Variants in SYNE3 observed in about 807,000 individuals in gnomAD.
SYNE3 encodes nesprin-3.
In SYNE3, 100 loss-of-function variants were observed where a neutral mutation model predicts 111.2. The ratio of observed to expected loss-of-function variants is 0.90; its 90% CI spans 0.77 to 1.06. The LOEUF (loss-of-function observed/expected upper bound fraction) is 1.06, where lower values mean the gene tolerates loss of function less well. Ranked by LOEUF, SYNE3 falls within the 50% of genes least tolerant of loss-of-function variation. The pLI is 0.00. For missense variants in SYNE3, 1,160 were observed against 1,240.3 expected, an observed-to-expected ratio of 0.94 and a Z score of 0.97; for synonymous variants, 547 against 533.9, an observed-to-expected ratio of 1.02 and a Z score of -0.34.
intron 4 of SYNE3, among the ~76,000 whole-genome samples, chr14:95,460,420 C>T (rs1887727532): frequency 7.0e-6 from 1 of 142,738 alleles, no homozygotes; most frequent in Non-Finnish European, 1.5e-5. Flanking sequence ...GGGGTTTCAC[C>T]ATGTTGGCTA....
intron 1 of SYNE3, among the ~76,000 whole-genome samples, chr14:95,498,822 C>G (rs72694805): frequency 0.089 from 13,589 of 151,994 alleles, 671 homozygotes; most frequent in African/African-American, 0.11. Flanking sequence ...ACCTCTCAGT[C>G]CCCCCCAGGC....
intron 1 of SYNE3, among the ~76,000 whole-genome samples, chr14:95,508,802 G>A (rs1392132766): frequency 6.6e-6 from 1 of 152,224 alleles, no homozygotes; most frequent in Non-Finnish European, 1.5e-5. Context: ...GAATCTCCAA[G>A]AGGACAGTCC....
At chr14:95,453,735 TG>T (rs1252504147) in intron 6 of SYNE3, among the ~76,000 whole-genome samples, 1 of 151,964 alleles carries the variant, frequency 6.6e-6, no homozygotes. Flanking sequence ...TGAGCAAGAC[TG>T]GGGGCTGTCC....
chr14:95,492,854 T>C (rs1325560230), intron 1 of SYNE3, among the ~76,000 whole-genome samples: 3 of 152,214 alleles, frequency 2.0e-5, no homozygotes, highest in Admixed American at 2.0e-4. Context: ...TGGCTCTATT[T>C]TTTTTTAAAG....
intron 1 of SYNE3, among the ~76,000 whole-genome samples, chr14:95,484,440 G>C (rs957517755): frequency 6.6e-6 from 1 of 152,184 alleles, no homozygotes; most frequent in Non-Finnish European, 1.5e-5. Flanking sequence ...CCCTGGCCAC[G>C]GAGTAACAGG....
rs149167483 is a variant in SYNE3, at chr14:95,439,963, C to A, written c.2024G>T (p.Arg675Leu). The change falls in exon 12 of 18, where the codon CGG (arginine) becomes CTG (leucine). Residue 675 changes from arginine to leucine, a missense_variant. Coordinates refer to ENST00000682763, the MANE Select transcript of SYNE3 (RefSeq NM_152592.6). ...GGCATCCCCCGGGCCCGCCTCTCCC[C>A]GGTGTGCCTCCAGCTTTTGCGTGGT... ...VVTTQKLEAH[R>L]GEAGPGDAES... 2 of 1,614,074 alleles carry A rather than the reference C, an allele frequency of 1.2e-6. No homozygotes were observed. Among genetic ancestry groups the A allele is most frequent in the Non-Finnish European group, 1.7e-6 (2 of 1,180,022 alleles).
At position 95,439,864 on chromosome 14, in the gene SYNE3, C is replaced by A. The variant is rs762694452; in HGVS notation, c.2073+50G>T. ...CTGCTCCTTGGTGTGGGAACGTTGG[C>A]CTGTCAAGGCTGCTTCTTTGGGAAG... On this transcript the variant is annotated intron_variant, in intron 12 of 17. Transcript: ENST00000682763. 8 of 1,593,338 alleles carry A rather than the reference C, an allele frequency of 5.0e-6. No individual in the cohort carries two copies. The East Asian group carries it at 1.6e-4, about 31-fold the overall frequency.
chr14:95,508,705 G>A (rs1372918522), intron 1 of SYNE3, among the ~76,000 whole-genome samples: 1 of 152,210 alleles, frequency 6.6e-6, no homozygotes, highest in Non-Finnish European at 1.5e-5. Context: ...ATGAGCAGGA[G>A]AGAGAACATC....
intron 13 of SYNE3, 64 bp downstream of exon 13, chr14:95,439,548 A>AGT (rs765877443): frequency 5.8e-5 from 92 of 1,587,032 alleles, no homozygotes; most frequent in Admixed American, 8.3e-5. Context: ...CGAGCACCTG[A>AGT]GTGTCCCTGA....
At chr14:95,497,690 C>T (rs759833682) in intron 1 of SYNE3, among the ~76,000 whole-genome samples, 12 of 152,184 alleles carry the variant, frequency 7.9e-5, no homozygotes, top group Non-Finnish European at 1.6e-4. Context: ...GTCTCCGTCA[C>T]ATCTCCTCAA....
intron 17 of SYNE3, among the ~76,000 whole-genome samples, chr14:95,420,972 T>C (rs1379502044): frequency 6.6e-6 from 1 of 152,182 alleles, no homozygotes; most frequent in South Asian, 2.1e-4. Flanking sequence ...TCCCTCATAC[T>C]GTTCTCATGG....
intron 15 of SYNE3, among the ~76,000 whole-genome samples, chr14:95,436,368 T>C (rs2077222800): frequency 6.6e-6 from 1 of 152,154 alleles, no homozygotes; most frequent in South Asian, 2.1e-4. Flanking sequence ...GTGTAGTCCA[T>C]GTCATTCTCA....
intron 1 of SYNE3, among the ~76,000 whole-genome samples, chr14:95,488,519 G>A (rs1310685136): frequency 6.6e-6 from 1 of 152,072 alleles, no homozygotes; most frequent in African/African-American, 2.4e-5. Flanking sequence ...GGATCACATG[G>A]TAGGTGTATA....
At chr14:95,457,426 G>T in intron 4 of SYNE3, 88 bp from the exon 5 acceptor site, 1 of 1,348,318 alleles carries the variant, frequency 7.4e-7, no homozygotes, top group East Asian at 2.3e-5. Flanking sequence ...CTGGGTGTGT[G>T]TGTGTGTGTG....
intron 1 of SYNE3, among the ~76,000 whole-genome samples, chr14:95,489,175 AGCAACAGC>A (rs1889711921): frequency 6.6e-6 from 1 of 152,222 alleles, no homozygotes; most frequent in Non-Finnish European, 1.5e-5. Flanking sequence ...AGCACCATGA[AGCAACAGC>A]CAAAGCCAGT....
At chr14:95,482,061 C>T (rs1224677790) in intron 1 of SYNE3, among the ~76,000 whole-genome samples, 1 of 152,252 alleles carries the variant, frequency 6.6e-6, no homozygotes, top group African/African-American at 2.4e-5. Flanking sequence ...TGCAATGCCA[C>T]TGGTGAGGGG....
chr14:95,500,771 C>T lies in SYNE3; in HGVS notation c.-15+15825G>A. ...CCCCAGCAGCCCCATAGCAGAGTCA[C>T]TGACCCTTCCTGCTGCAGCTACAGC... On this transcript the variant is annotated intron_variant, in intron 1 of 17. Coordinates refer to ENST00000682763, the MANE Select transcript of SYNE3 (RefSeq NM_152592.6). The surrounding 1 kb of genome is among the most constrained non-coding windows in gnomAD (Gnocchi z 4.7). Among the ~76,000 whole-genome samples, 1 of 152,218 alleles carries T rather than the reference C, an allele frequency of 6.6e-6. No homozygotes were observed. Among genetic ancestry groups the T allele is most frequent in the East Asian group, 1.9e-4 (1 of 5,182 alleles).
rs1026325872 is a variant in SYNE3 at position 95,407,306 on chromosome 14, A to G, written c.*10520T>C. 2 of 152,254 alleles carry G rather than the reference A, an allele frequency of 1.3e-5. No homozygotes were observed. Among genetic ancestry groups the G allele is most frequent in the Non-Finnish European group, 2.9e-5 (2 of 68,048 alleles). The allele number at this position is 152,254 out of a possible 1,614,324, so 9.4% of individuals were successfully genotyped here. A position where few individuals can be genotyped will look rare whatever the true frequency, so the allele number is the denominator to read the frequency against. ...TAGAGATTTTTATTTCCAAACACAA[A>G]GCAGATACATTTTTAAAAACATAAA... On this transcript the variant is annotated 3_prime_UTR_variant, in exon 18 of 18. Transcript: ENST00000682763.
At chr14:95,492,399 G>T (rs1889891528) in intron 1 of SYNE3, among the ~76,000 whole-genome samples, 1 of 152,208 alleles carries the variant, frequency 6.6e-6, no homozygotes, top group South Asian at 2.1e-4. Flanking sequence ...GGAAATCGTG[G>T]TCTATCCATA....
Sources: allele counts gnomAD v4.1 joint callset (sites outside exome capture counted in the v4.1 genomes callset), GRCh38; gene constraint gnomAD v4.1.1; non-coding constraint Gnocchi (gnomAD v3.1); transcripts MANE v1.5; gene names NCBI Gene and HGNC (gene_info 2026-07-23, HGNC 2026-07-21).